Variants in ROR1 observed in about 807,000 individuals in gnomAD.
ROR1 encodes inactive tyrosine-protein kinase transmembrane receptor ROR1.
A neutral mutation model predicts 78.8 loss-of-function variants in ROR1; 19 were observed. The ratio of observed to expected loss-of-function variants is 0.24; its 90% CI spans 0.17 to 0.35. The LOEUF is 0.35. ROR1 is among the 10% of genes least tolerant of loss of function. The pLI is 1.00. For synonymous variants in ROR1, 386 were observed against 433.6 expected, an observed-to-expected ratio of 0.89 and a Z score of 1.36; for missense variants, 917 against 1,177.8, an observed-to-expected ratio of 0.78 and a Z score of 3.24.
intron 1 of ROR1, among the ~76,000 whole-genome samples, chr1:63,937,596 G>A (rs1042926871): frequency 6.6e-6 from 1 of 152,090 alleles, no homozygotes; most frequent in Non-Finnish European, 1.5e-5. Flanking sequence ...GCCATCTTGG[G>A]CATGGCTGGC....
chr1:63,815,749 A>T (rs1644888225), intron 1 of ROR1, among the ~76,000 whole-genome samples: 1 of 151,962 alleles, frequency 6.6e-6, no homozygotes. Context: ...ACCCCATCCC[A>T]GTGGTTCTTG....
intron 2 of ROR1, among the ~76,000 whole-genome samples, chr1:64,010,366 C>CTTTTTTTTTTT (rs74685806): frequency 7.0e-6 from 1 of 141,972 alleles, no homozygotes; most frequent in African/African-American, 2.6e-5. Flanking sequence ...TTCTATCTTA[C>CTTTTTTTTTTT]TTTTTTTTTT....
At chr1:63,869,530 C>T (rs1645238094) in intron 1 of ROR1, among the ~76,000 whole-genome samples, 1 of 152,190 alleles carries the variant, frequency 6.6e-6, no homozygotes. Flanking sequence ...GAAGCCCTCA[C>T]CACAAACCTG....
chr1:64,061,356 A>G (rs1646916105), intron 4 of ROR1, among the ~76,000 whole-genome samples: 1 of 152,108 alleles, frequency 6.6e-6, no homozygotes, highest in Non-Finnish European at 1.5e-5. Flanking sequence ...CCCTTCCTAT[A>G]TTTATAAGTT....
chr1:63,777,911 C>T (rs750532364), intron 1 of ROR1, among the ~76,000 whole-genome samples: 1 of 152,112 alleles, frequency 6.6e-6, no homozygotes, highest in South Asian at 2.1e-4. Context: ...ATAACTTTTT[C>T]GGTTGTATGC....
intron 1 of ROR1, among the ~76,000 whole-genome samples, chr1:63,814,642 C>T (rs1644878628): frequency 6.6e-6 from 1 of 151,904 alleles, no homozygotes; most frequent in Non-Finnish European, 1.5e-5. Context: ...ATTAGACTCT[C>T]ATAAGGAGCA....
chr1:64,054,603 A>G (rs1028725601), intron 4 of ROR1, among the ~76,000 whole-genome samples: 4 of 152,250 alleles, frequency 2.6e-5, no homozygotes, highest in Non-Finnish European at 5.9e-5. Context: ...GGAATCATAT[A>G]TGACAAATAA....
At chr1:63,786,816 G>A (rs1007394019) in intron 1 of ROR1, among the ~76,000 whole-genome samples, 1 of 151,970 alleles carries the variant, frequency 6.6e-6, no homozygotes, top group Non-Finnish European at 1.5e-5. Context: ...GGAAAGGAGG[G>A]GCCCAAGAGG....
At chr1:63,947,337 C>T (rs1645898538) in intron 1 of ROR1, among the ~76,000 whole-genome samples, 1 of 152,140 alleles carries the variant, frequency 6.6e-6, no homozygotes, top group African/African-American at 2.4e-5. Flanking sequence ...ACTATAATTT[C>T]CGTTCTGACC....
intron 1 of ROR1, among the ~76,000 whole-genome samples, chr1:63,808,411 T>C (rs1376877238): frequency 6.6e-6 from 1 of 152,226 alleles, no homozygotes; most frequent in Non-Finnish European, 1.5e-5. Context: ...CTGTTTTTAT[T>C]TGTAAAGTAA....
At chr1:64,034,564 A>C (rs1339469572) in intron 2 of ROR1, among the ~76,000 whole-genome samples, 1 of 152,078 alleles carries the variant, frequency 6.6e-6, no homozygotes, top group East Asian at 1.9e-4. Context: ...TCACTCACTC[A>C]TCTGCATTCT....
intron 4 of ROR1, among the ~76,000 whole-genome samples, chr1:64,103,777 T>C (rs1164851130): frequency 6.6e-6 from 1 of 152,110 alleles, no homozygotes; most frequent in African/African-American, 2.4e-5. Flanking sequence ...CCAAGTTAGT[T>C]GTGTCTCACT....
chr1:64,088,104 C>A (rs1473247319), intron 4 of ROR1, among the ~76,000 whole-genome samples: 2 of 152,162 alleles, frequency 1.3e-5, no homozygotes, highest in Admixed American at 6.5e-5. Flanking sequence ...AATTCATGAT[C>A]TTTTTCCTGT....
intron 4 of ROR1, among the ~76,000 whole-genome samples, chr1:64,099,430 T>C (rs1647430255): frequency 6.6e-6 from 1 of 152,078 alleles, no homozygotes; most frequent in Non-Finnish European, 1.5e-5. Context: ...GCTATTATAC[T>C]TGTCACGGTG....
chr1:64,142,648 G>A lies in ROR1; in HGVS notation c.1172G>A (p.Cys391Tyr). ...FKSDLCDIPA[C>Y]DSKDSKEKNK... ...TCTGATCTGTGTGACATCCCAGCGT[G>A]CGGTAAATAGAAGTCATTGCCCCTA... The change falls in exon 7 of 9, where the codon TGC becomes TAC. Residue 391 changes from cysteine (C) to tyrosine (Y), a missense_variant and splice_region_variant. Physicochemically the swap from Cys to Tyr is radical, Grantham distance 194. Coordinates refer to ENST00000371079, the MANE Select transcript of ROR1 (RefSeq NM_005012.4). 1 of 1,613,954 alleles carries A rather than the reference G, an allele frequency of 6.2e-7. No individual in the cohort carries two copies. Among genetic ancestry groups the A allele is most frequent in the Non-Finnish European group, 8.5e-7 (1 of 1,179,928 alleles).
At chr1:64,051,457 A>AAAAAAAAAAAT (rs1359777733) in intron 4 of ROR1, among the ~76,000 whole-genome samples, 2 of 76,650 alleles carry the variant, frequency 2.6e-5, no homozygotes, top group African/African-American at 6.1e-5. Context: ...CTCAAAAATA[A>AAAAAAAAAAAT]AAAATAAAAT....
At chr1:64,140,507 T>A in intron 6 of ROR1, 81 bp downstream of exon 6, 2 of 1,321,288 alleles carry the variant, frequency 1.5e-6, no homozygotes, top group Non-Finnish European at 2.1e-6. Context: ...CCTTGACCCA[T>A]AGTGATTTTC....
intron 1 of ROR1, among the ~76,000 whole-genome samples, chr1:63,954,064 G>A (rs999320210): frequency 1.3e-5 from 2 of 152,182 alleles, no homozygotes; most frequent in Non-Finnish European, 2.9e-5. Flanking sequence ...CACTGTGATG[G>A]CATACTAGTC....
intron 1 of ROR1, among the ~76,000 whole-genome samples, chr1:63,997,532 A>C (rs963415316): frequency 1.3e-5 from 2 of 152,108 alleles, no homozygotes; most frequent in African/African-American, 2.4e-5. Context: ...TAATTGGCTA[A>C]CTCCCTTTCC....
Sources: allele counts gnomAD v4.1 joint callset (sites outside exome capture counted in the v4.1 genomes callset), GRCh38; gene constraint gnomAD v4.1.1; transcripts MANE v1.5; gene names NCBI Gene and HGNC (gene_info 2026-07-23, HGNC 2026-07-21).